MGST1: variants seen among roughly 807,000 people sequenced by gnomAD.
The protein encoded by MGST1 is microsomal glutathione S-transferase 1.
In MGST1, 5 loss-of-function variants were observed where a neutral mutation model predicts 8.9. That is an observed-to-expected ratio of 0.56 (90% confidence interval 0.29 to 1.19). MGST1 has a LOEUF of 1.19. MGST1 is among the 50% of genes most tolerant of loss of function. The pLI, the probability that MGST1 is intolerant of heterozygous loss-of-function variation, is 0.08. For missense variants in MGST1, 182 were observed against 187.4 expected (o/e 0.97, Z 0.17); for synonymous variants, 54 against 67.8 (o/e 0.80, Z 1.00).
Position 16,363,982 on chromosome 12 carries a change from G to A in MGST1, c.409G>A (p.Gly137Arg), listed in dbSNP as rs767094916. 1 of 1,613,682 alleles carries A rather than the reference G, an allele frequency of 6.2e-7. No homozygotes were observed. Among genetic ancestry groups the A allele is most frequent in the East Asian group, 2.2e-5 (1 of 44,874 alleles). Residue 137 changes from glycine to arginine, a missense_variant, in exon 4 of 4, where the codon GGA becomes AGA. Coordinates refer to ENST00000396210, the MANE Select transcript of MGST1 (RefSeq NM_020300.5). The surrounding 1 kb of genome is among the most constrained non-coding windows in gnomAD (Gnocchi z 4.6). ...QPNRALSFFV[G>R]YGVTLSMAYR... The stretch of plus-strand genomic sequence containing the variant: ...AAATAGAGCTTTGAGTTTTTTTGTT[G>A]GATATGGAGTTACTCTTTCCATGGC...
chr12:16,402,124 C>T, intron 1 of MGST1: 3 of 1,512,610 alleles, frequency 2.0e-6, no homozygotes, highest in Non-Finnish European at 2.8e-6. Flanking sequence ...ATGGCAGGGG[C>T]TCCATTAGCA....
At chr12:16,479,535 CTT>C (rs71054820) in intron 4 of MGST1, among the ~76,000 whole-genome samples, 17 of 113,092 alleles carry the variant, frequency 1.5e-4, no homozygotes, top group Admixed American at 2.0e-4. Context: ...CGCCCGGCCT[CTT>C]TTTTTTTTTT....
chr12:16,443,322 G>A (rs1941053260), downstream of MGST1, among the ~76,000 whole-genome samples: 1 of 151,708 alleles, frequency 6.6e-6, no homozygotes, highest in Admixed American at 6.6e-5. Context: ...TAGTAGGAAT[G>A]TTTAGTCAGT....
intron 4 of MGST1, chr12:16,551,448 T>C (rs1006062148): frequency 1.6e-6 from 1 of 639,588 alleles, no homozygotes; most frequent in Non-Finnish European, 2.8e-6. Context: ...AAAACCTGGC[T>C]TAGACAGTTG....
At chr12:16,491,247 T>TA (rs1338830985) in intron 4 of MGST1, among the ~76,000 whole-genome samples, 1 of 152,180 alleles carries the variant, frequency 6.6e-6, no homozygotes, top group Non-Finnish European at 1.5e-5. Flanking sequence ...TGATCCCAAT[T>TA]ACCTTATGTG....
rs552897924 is a variant in MGST1, at chr12:16,576,817, A to T, written n.483-12711A>T. ...CATCTATTTTTAAATACCATTTTAA[A>T]TTCAGTGTACAATGGACATAAGACC... is the stretch of plus-strand genomic sequence containing the variant. On this transcript the variant is annotated intron_variant and non_coding_transcript_variant, in intron 4 of 4. Transcript: ENST00000538857. The surrounding 1 kb of genome is among the most constrained non-coding windows in gnomAD (Gnocchi z 4.1). Among the ~76,000 whole-genome samples the T allele has an allele frequency of 1.3e-5, 2 of 152,376 alleles. No individual in the cohort carries two copies. The highest frequency in any genetic ancestry group is 2.4e-5 in the African/African-American group (1 of 41,588).
At chr12:16,359,492 C>T (rs1413013004) in intron 3 of MGST1, among the ~76,000 whole-genome samples, 1 of 152,086 alleles carries the variant, frequency 6.6e-6, no homozygotes, top group East Asian at 1.9e-4. Flanking sequence ...ATCAGTGAGT[C>T]TTGAGAATGG....
At chr12:16,402,590 T>C (rs760605244) in intron 1 of MGST1, among the ~76,000 whole-genome samples, 1 of 152,200 alleles carries the variant, frequency 6.6e-6, no homozygotes, top group Non-Finnish European at 1.5e-5. Context: ...CTTTTTTTTC[T>C]GTTTATTGTT....
downstream of MGST1, among the ~76,000 whole-genome samples, chr12:16,440,309 A>C (rs2137102344): frequency 6.6e-6 from 1 of 151,732 alleles, no homozygotes; most frequent in East Asian, 1.9e-4. Context: ...TATAGAGTTT[A>C]ATAATTTTTA....
chr12:16,569,180 A>G (rs1241089207), intron 4 of MGST1, among the ~76,000 whole-genome samples: 1 of 152,224 alleles, frequency 6.6e-6, no homozygotes. Flanking sequence ...TCTGCTATAG[A>G]GAGCAGAAAA....
rs1247749625 is a variant in MGST1, at chr12:16,395,811, A to ATATATATATG, written n.778+12207_778+12208insTATATATATG. 1.6e-4 allele frequency among the ~76,000 whole-genome samples: 22 copies of ATATATATATG among 141,470 alleles called. 1 individual carries two copies. Among genetic ancestry groups the ATATATATATG allele is most frequent in the African/African-American group, 6.6e-4 (22 of 33,308 alleles). The allele number at this position is 141,470 out of a possible 152,430, so 92.8% of individuals were successfully genotyped here. On this transcript the variant is annotated intron_variant and non_coding_transcript_variant, in intron 1 of 1. Transcript: ENST00000359720. ...TATATATATATATATATATACACAC[A>ATATATATATG]CACACACACACACACCACAATTTCT...
chr12:16,400,427 G>A (rs57886885), intron 1 of MGST1: 130,153 of 808,334 alleles, frequency 0.16, 13,326 homozygotes, highest in East Asian at 0.42. Flanking sequence ...ATATTTGGGC[G>A]AATGTATAGA....
chr12:16,530,729 T>C (rs1261732720), intron 4 of MGST1, among the ~76,000 whole-genome samples: 1 of 152,110 alleles, frequency 6.6e-6, no homozygotes, highest in African/African-American at 2.4e-5. Context: ...CTCTCCATCA[T>C]GGGCCAGGGC....
At chr12:16,353,018 G>A (rs1298113015) in intron 1 of MGST1, among the ~76,000 whole-genome samples, 4 of 151,928 alleles carry the variant, frequency 2.6e-5, no homozygotes, top group Non-Finnish European at 4.4e-5. Context: ...TAAGTTAGAA[G>A]CTATTACTAT....
chr12:16,452,588 C>T (rs1225567219), intron 4 of MGST1, among the ~76,000 whole-genome samples: 1 of 151,748 alleles, frequency 6.6e-6, no homozygotes, highest in Non-Finnish European at 1.5e-5. Context: ...AAACTATGTT[C>T]CAAGTACTGT....
chr12:16,509,842 G>A (rs114517599), intron 4 of MGST1, among the ~76,000 whole-genome samples: 116 of 152,212 alleles, frequency 7.6e-4, no homozygotes, highest in South Asian at 1.9e-3. Context: ...GTTTAGGTAG[G>A]AGTGATTCAG....
At chr12:16,522,298 G>C (rs1447511421) in intron 4 of MGST1, among the ~76,000 whole-genome samples, 2 of 152,070 alleles carry the variant, frequency 1.3e-5, no homozygotes, top group East Asian at 3.9e-4. Context: ...TTGGCTTATT[G>C]AGTTTTGAGC....
At chr12:16,433,468 GT>G (rs1372346719) in intron 1 of MGST1, among the ~76,000 whole-genome samples, 1 of 152,054 alleles carries the variant, frequency 6.6e-6, no homozygotes, top group Admixed American at 6.6e-5. Context: ...TCATGTTTCA[GT>G]TTAGGGCTGA....
In MGST1 at chr12:16,568,997, A is replaced by G. The variant is rs1386881564; in HGVS notation, n.483-20531A>G. Among the ~76,000 whole-genome samples, 5 of 152,230 alleles carry G rather than the reference A, an allele frequency of 3.3e-5. No homozygotes were observed. In the East Asian group the frequency reaches 9.6e-4, roughly 29 times the overall value. On this transcript the variant is annotated intron_variant and non_coding_transcript_variant, in intron 4 of 4. Transcript: ENST00000538857. ...ATGTATGCTAATAGTGTGAATCATT[A>G]TAGCTCTCTCATAATCTGAAATAGA...
Sources: gnomAD v4.1 joint callset for allele counts (sites outside exome capture counted in the v4.1 genomes callset) on GRCh38, gnomAD v4.1.1 for gene constraint, Gnocchi (gnomAD v3.1) non-coding constraint, MANE v1.5 for transcripts, NCBI Gene and HGNC (gene_info 2026-07-23, HGNC 2026-07-21) for gene names.